Variants in TBL1X observed in about 807,000 individuals in gnomAD.
TBL1X encodes the protein transducin beta like 1 X-linked, also known as F-box-like/WD repeat-containing protein TBL1X.
A neutral mutation model predicts 50.7 loss-of-function variants in TBL1X; 10 were observed. The ratio of observed to expected loss-of-function variants is 0.20; its 90% CI spans 0.12 to 0.33. The LOEUF is 0.33. TBL1X is among the 10% of genes least tolerant of loss of function. The probability of loss-of-function intolerance (pLI) is 1.00; values close to 1 mark genes in which losing one functional copy is unlikely to be tolerated. For missense variants in TBL1X, 340 were observed against 504.4 expected (o/e 0.67, Z 3.12); for synonymous variants, 190 against 214.7 (o/e 0.88, Z 1.01).
intron 2 of TBL1X, among the ~76,000 whole-genome samples, chrX:9,533,157 A>G (rs2082170746): frequency 8.9e-6 from 1 of 112,168 alleles, no homozygotes; most frequent in African/African-American, 3.2e-5. Context: ...AAGTTGTTAT[A>G]AACAAAAACT....
At chrX:9,590,300 T>C (rs956340587) in intron 2 of TBL1X, among the ~76,000 whole-genome samples, 4 of 112,059 alleles carry the variant, frequency 3.6e-5, no homozygotes, top group Admixed American at 9.5e-5. Flanking sequence ...GTGGCAGTTA[T>C]ATGCAACTCT....
intron 2 of TBL1X, among the ~76,000 whole-genome samples, chrX:9,633,515 G>C (rs1050948062): frequency 8.9e-6 from 1 of 112,010 alleles, no homozygotes; most frequent in South Asian, 3.7e-4. Context: ...GAGGATGCTG[G>C]CCCAATTTTG....
In TBL1X at chrX:9,718,159, A is replaced by G. The variant is rs1221927745; in HGVS notation, c.*1913A>G. The G allele has an allele frequency of 9.0e-6, 1 of 110,802 alleles. No individual in the cohort carries two copies. Among genetic ancestry groups the G allele is most frequent in the Non-Finnish European group, 1.9e-5 (1 of 52,963 alleles). 9.1% of individuals were successfully genotyped at this position (110,802 alleles called of 1,213,427 possible). On this transcript the variant is annotated 3_prime_UTR_variant, in exon 18 of 18. Transcript: ENST00000645353. Reference sequence around the variant, plus strand: ...GGGTCACCAGCAGTGGGTAGGGTGCAATCTGGTGTGTGTTCCAGCAGTGAG... The same window carrying G: ...GGGTCACCAGCAGTGGGTAGGGTGCGATCTGGTGTGTGTTCCAGCAGTGAG...
intron 2 of TBL1X, among the ~76,000 whole-genome samples, chrX:9,569,471 C>T (rs190945799): frequency 2.4e-4 from 27 of 112,108 alleles, no homozygotes; most frequent in Non-Finnish European, 4.5e-4. Flanking sequence ...CCTGAGCTCA[C>T]GCCTTCTGTT....
At chrX:9,596,165 G>T (rs772602890) in intron 2 of TBL1X, among the ~76,000 whole-genome samples, 14 of 112,447 alleles carry the variant, frequency 1.2e-4, no homozygotes, top group Non-Finnish European at 2.4e-4. Context: ...CAGTGTGGGA[G>T]AATATTGCAG....
intron 1 of TBL1X, among the ~76,000 whole-genome samples, chrX:9,495,850 C>T (rs1372023902): frequency 1.9e-5 from 2 of 107,904 alleles, no homozygotes; most frequent in Non-Finnish European, 3.9e-5. Flanking sequence ...GAAAAGGACA[C>T]TTGTTTACGG....
At position 9,697,464 on chromosome X, in the gene TBL1X, T is replaced by G. The variant is rs753826749; in HGVS notation, c.1114+35T>G. On this transcript the variant is annotated intron_variant, in intron 12 of 17. Coordinates refer to ENST00000645353, the MANE Select transcript of TBL1X (RefSeq NM_005647.4). ...TTGTTGTTGTTGTTGTTGTTTGTTT[T>G]TTTGTAATTCAAAAATAATAATTCA... 9 of 1,204,737 alleles carry G rather than the reference T, an allele frequency of 7.5e-6. No homozygotes were observed. In the Admixed American group the frequency reaches 1.6e-4, roughly 21 times the overall value.
At chrX:9,540,007 A>G (rs1010954496) in intron 2 of TBL1X, among the ~76,000 whole-genome samples, 12 of 112,834 alleles carry the variant, frequency 1.1e-4, no homozygotes, top group African/African-American at 3.9e-4. Context: ...CAGGTGCAGA[A>G]TAACCTGTGT....
At chrX:9,688,315 G>C (rs1365642972) in intron 7 of TBL1X, 40 bp downstream of exon 7, 2 of 1,073,131 alleles carry the variant, frequency 1.9e-6, no homozygotes, top group Admixed American at 3.3e-5. Context: ...GGCCTCTCTG[G>C]GTTCATTGTT....
chrX:9,634,376 C>T (rs1229000364), intron 2 of TBL1X, among the ~76,000 whole-genome samples: 1 of 111,240 alleles, frequency 9.0e-6, no homozygotes, highest in Non-Finnish European at 1.9e-5. Context: ...CCACTGCCGT[C>T]GGACACAGTG....
intron 2 of TBL1X, among the ~76,000 whole-genome samples, chrX:9,607,089 G>C (rs1047963289): frequency 6.2e-5 from 7 of 112,472 alleles, no homozygotes; most frequent in Admixed American, 5.6e-4. Context: ...ACAGCACCAA[G>C]ATCGTCTGTC....
At chrX:9,580,706 G>A (rs759991279) in intron 2 of TBL1X, among the ~76,000 whole-genome samples, 1 of 111,546 alleles carries the variant, frequency 9.0e-6, no homozygotes, top group Non-Finnish European at 1.9e-5. Flanking sequence ...AAGCAAGGGT[G>A]CAGGGGGAAG....
chrX:9,550,092 C>T (rs1251188730), intron 2 of TBL1X, among the ~76,000 whole-genome samples: 2 of 111,377 alleles, frequency 1.8e-5, no homozygotes, highest in African/African-American at 6.5e-5. Context: ...GCACTGCTCT[C>T]ATTTCCAGAG....
intron 2 of TBL1X, among the ~76,000 whole-genome samples, chrX:9,628,151 A>G (rs1332192441): frequency 1.8e-5 from 2 of 112,210 alleles, no homozygotes; most frequent in Admixed American, 9.4e-5. Flanking sequence ...GACTGAGAGG[A>G]CTTGGAAAGA....
chrX:9,548,148 C>T (rs943116252), intron 2 of TBL1X, among the ~76,000 whole-genome samples: 6 of 109,542 alleles, frequency 5.5e-5, no homozygotes, highest in Admixed American at 2.0e-4. Context: ...TAATTTTTCT[C>T]CGATGTTTAT....
At chrX:9,659,824 C>T (rs747624599) in intron 5 of TBL1X, among the ~76,000 whole-genome samples, 2 of 112,221 alleles carry the variant, frequency 1.8e-5, no homozygotes, top group Middle Eastern at 4.6e-3. Context: ...TTAGCTCTGG[C>T]GTATATATCT....
chrX:9,630,621 T>C (rs2082716178), intron 2 of TBL1X, among the ~76,000 whole-genome samples: 1 of 112,313 alleles, frequency 8.9e-6, no homozygotes, highest in African/African-American at 3.2e-5. Flanking sequence ...TTTTTCTTTC[T>C]TTTTTTGACA....
At chrX:9,483,342 A>G (rs1364655011) in intron 1 of TBL1X, among the ~76,000 whole-genome samples, 1 of 112,570 alleles carries the variant, frequency 8.9e-6, no homozygotes, top group African/African-American at 3.2e-5. Context: ...TTCTAAAGCA[A>G]AAAGACCAAC....
upstream of TBL1X, chrX:9,465,036 G>C (rs1403289676): frequency 1.8e-4 from 20 of 109,008 alleles, no homozygotes; most frequent in African/African-American, 5.0e-4. Context: ...GACCCCTGGC[G>C]GTCCTCCTGG....
Sources: allele counts gnomAD v4.1 joint callset (sites outside exome capture counted in the v4.1 genomes callset), GRCh38; gene constraint gnomAD v4.1.1; transcripts MANE v1.5; gene names NCBI Gene and HGNC (gene_info 2026-07-23, HGNC 2026-07-21).